Variants in C10orf90 observed in about 807,000 individuals in gnomAD.
C10orf90 encodes chromosome 10 open reading frame 90.
C10orf90 carries 56 observed loss-of-function variants against 62.5 expected under a neutral mutation model. The observed-to-expected ratio is 0.90, with a 90% CI of 0.72 to 1.12. C10orf90 has a LOEUF of 1.12. C10orf90 is among the 50% of genes most tolerant of loss of function. C10orf90 has a pLI of 0.00. For synonymous variants in C10orf90, 386 were observed against 340.4 expected (o/e 1.13, Z -1.47); for missense variants, 970 against 880.4 (o/e 1.10, Z -1.29).
intron 2 of C10orf90, among the ~76,000 whole-genome samples, chr10:126,602,531 C>T (rs950619683): frequency 3.9e-5 from 6 of 152,194 alleles, no homozygotes; most frequent in Admixed American, 3.3e-4. Flanking sequence ...GGTGGGCACA[C>T]AGCCTGGGCT....
At chr10:126,653,206 G>A (rs1846325513) in intron 1 of C10orf90, among the ~76,000 whole-genome samples, 1 of 152,152 alleles carries the variant, frequency 6.6e-6, no homozygotes, top group South Asian at 2.1e-4. Flanking sequence ...CTTAAAATGA[G>A]ACAACAATGA....
intron 4 of C10orf90, among the ~76,000 whole-genome samples, chr10:126,486,622 A>C (rs1861449899): frequency 1.3e-5 from 2 of 152,192 alleles, no homozygotes. Context: ...AATGAAGAGC[A>C]TGAGACTATA....
At chr10:126,545,623 G>C (rs1180017806) in intron 2 of C10orf90, among the ~76,000 whole-genome samples, 7 of 152,042 alleles carry the variant, frequency 4.6e-5, no homozygotes, top group Admixed American at 4.6e-4. Context: ...TTTCTCTTTG[G>C]CAAACCCATT....
rs1328797789 is a variant in C10orf90, at chr10:126,429,641, G to A, written c.2252+146C>T. 4.7e-6 allele frequency: 3 copies of A among 635,846 alleles called. No homozygotes were observed. The African/African-American group carries it at 5.5e-5, about 12-fold the overall frequency. The allele number at this position is 635,846 out of a possible 1,614,324, so 39.4% of individuals were successfully genotyped here. A position where few individuals can be genotyped will look rare whatever the true frequency, so the allele number is the denominator to read the frequency against. ...CATTTCAACTACCGTACTTATTTTA[G>A]CCGTTTTTTCAGATTTGCAGCCAAA... On this transcript the variant is annotated intron_variant, in intron 8 of 9. Transcript: ENST00000488181.
At chr10:126,556,513 C>T (rs765701772) in intron 2 of C10orf90, among the ~76,000 whole-genome samples, 11 of 152,056 alleles carry the variant, frequency 7.2e-5, no homozygotes, top group East Asian at 3.9e-4. Flanking sequence ...AATAAATGTA[C>T]GGTATATAAA....
At chr10:126,451,159 G>T (rs1257153884) in intron 7 of C10orf90, among the ~76,000 whole-genome samples, 1 of 152,148 alleles carries the variant, frequency 6.6e-6, no homozygotes, top group Non-Finnish European at 1.5e-5. Context: ...ACACCGGTTA[G>T]TATGGCTATT....
intron 4 of C10orf90, among the ~76,000 whole-genome samples, chr10:126,488,460 G>A (rs1590994993): frequency 6.6e-6 from 1 of 151,366 alleles, no homozygotes; most frequent in Non-Finnish European, 1.5e-5. Context: ...AAAATAAGAG[G>A]AACAAATACA....
chr10:126,558,043 T>C (rs1026123708), intron 2 of C10orf90, among the ~76,000 whole-genome samples: 1 of 152,116 alleles, frequency 6.6e-6, no homozygotes, highest in African/African-American at 2.4e-5. Context: ...TGCAGTATCC[T>C]CTTCACTCTC....
intron 4 of C10orf90, among the ~76,000 whole-genome samples, chr10:126,481,381 G>A (rs925292785): frequency 6.6e-6 from 1 of 152,250 alleles, no homozygotes; most frequent in Admixed American, 6.5e-5. Context: ...ACACCTAGAT[G>A]ACACATGGCA....
At chr10:126,585,094 G>A (rs1844833644) in intron 2 of C10orf90, among the ~76,000 whole-genome samples, 1 of 151,818 alleles carries the variant, frequency 6.6e-6, no homozygotes, top group Non-Finnish European at 1.5e-5. Context: ...GCTGGAGACA[G>A]GAATTCCTGC....
At chr10:126,611,348 G>A (rs547309529) in intron 2 of C10orf90, among the ~76,000 whole-genome samples, 9 of 152,150 alleles carry the variant, frequency 5.9e-5, no homozygotes, top group East Asian at 1.9e-4. Flanking sequence ...TTTTATTGCC[G>A]GATAATATTC....
chr10:126,492,779 T>C (rs191439973), intron 4 of C10orf90, among the ~76,000 whole-genome samples: 6 of 152,324 alleles, frequency 3.9e-5, no homozygotes, highest in East Asian at 1.9e-4. Context: ...CCAATACTTG[T>C]GCATGTTTAA....
At chr10:126,465,733 C>T (rs902143591) in intron 4 of C10orf90, among the ~76,000 whole-genome samples, 3 of 152,158 alleles carry the variant, frequency 2.0e-5, no homozygotes, top group Admixed American at 6.5e-5. Context: ...AGCCTGGGAA[C>T]CACCCTATGT....
At chr10:126,499,788 C>T (rs113342965) in intron 4 of C10orf90, among the ~76,000 whole-genome samples, 1,616 of 152,242 alleles carry the variant, frequency 0.011, 43 homozygotes, top group South Asian at 0.08. Flanking sequence ...CACCATAGAA[C>T]GCGAACGCAA....
Position 126,461,346 on chromosome 10 carries a change from C to A in C10orf90, c.2010+55G>T, listed in dbSNP as rs1590946637. ...GTGAGGTTGTGTGCTCACGGACTCC[C>A]TAGGAAATCTCTCCCTTTGGCAGGA... On this transcript the variant is annotated intron_variant, in intron 6 of 9. Transcript: ENST00000488181. 2.5e-6 allele frequency: 4 copies of A among 1,595,224 alleles called. No homozygotes were observed. The Admixed American group carries it at 7.0e-5, about 28-fold the overall frequency.
At chr10:126,485,813 G>C (rs918739143) in intron 4 of C10orf90, among the ~76,000 whole-genome samples, 2 of 151,872 alleles carry the variant, frequency 1.3e-5, no homozygotes, top group East Asian at 3.9e-4. Context: ...CGGGCGTCGT[G>C]GTGGGCACCT....
At chr10:126,483,985 C>T (rs1290878092) in intron 4 of C10orf90, among the ~76,000 whole-genome samples, 1 of 152,138 alleles carries the variant, frequency 6.6e-6, no homozygotes, top group Non-Finnish European at 1.5e-5. Context: ...GCTCTGTAGG[C>T]TCAACAGAGG....
chr10:126,573,845 C>T (rs1338800889), intron 2 of C10orf90, among the ~76,000 whole-genome samples: 2 of 151,818 alleles, frequency 1.3e-5, no homozygotes, highest in South Asian at 2.1e-4. Context: ...TTTTTTTTAA[C>T]CCTGCATAAA....
At chr10:126,538,315 C>T (rs887627573) in intron 2 of C10orf90, among the ~76,000 whole-genome samples, 1 of 152,166 alleles carries the variant, frequency 6.6e-6, no homozygotes, top group Non-Finnish European at 1.5e-5. Context: ...ATGGTAGCTA[C>T]AATTCAAGAT....
Sources: allele counts gnomAD v4.1 joint callset (sites outside exome capture counted in the v4.1 genomes callset), GRCh38; gene constraint gnomAD v4.1.1; transcripts MANE v1.5; gene names NCBI Gene and HGNC (gene_info 2026-07-23, HGNC 2026-07-21).